Variants in TANC2 observed in about 807,000 individuals in gnomAD.
The protein encoded by TANC2 is tetratricopeptide repeat, ankyrin repeat and coiled-coil containing 2, also known as protein TANC2.
A neutral mutation model predicts 210.5 loss-of-function variants in TANC2; 26 were observed. That is an observed-to-expected ratio of 0.12 (90% CI 0.09 to 0.17). The LOEUF (loss-of-function observed/expected upper bound fraction) is 0.17, where lower values mean the gene tolerates loss of function less well. Among genes scored for constraint, TANC2 ranks in the 10% least tolerant of loss-of-function variants. TANC2 has a pLI of 1.00. For synonymous variants in TANC2, 931 were observed against 967.1 expected, an observed-to-expected ratio of 0.96 and a Z score of 0.69; for missense variants, 2,129 against 2,608.9, an observed-to-expected ratio of 0.82 and a Z score of 4.01.
chr17:63,388,586 A>C (rs761603992), intron 15 of TANC2, 49 bp from the exon 16 acceptor site: 6 of 1,561,414 alleles, frequency 3.8e-6, no homozygotes, highest in African/African-American at 1.4e-5. Context: ...CACTGATGCT[A>C]CTTTTTTTTG....
At chr17:62,979,685 A>G (rs1279181446) in intron 1 of TANC2, among the ~76,000 whole-genome samples, 1 of 152,104 alleles carries the variant, frequency 6.6e-6, no homozygotes, top group Non-Finnish European at 1.5e-5. Flanking sequence ...CTGAGGTGGG[A>G]GGATTGCTTG....
chr17:63,090,374 C>G (rs1598383306), intron 3 of TANC2, among the ~76,000 whole-genome samples: 1 of 152,090 alleles, frequency 6.6e-6, no homozygotes. Flanking sequence ...TTCCCCACCC[C>G]ACAACAGGCC....
chr17:63,315,799 G>A (rs2045295753), intron 10 of TANC2, among the ~76,000 whole-genome samples: 1 of 152,200 alleles, frequency 6.6e-6, no homozygotes, highest in South Asian at 2.1e-4. Flanking sequence ...CATTAAGGAG[G>A]CAGATGGCCT....
intron 2 of TANC2, among the ~76,000 whole-genome samples, chr17:63,030,829 T>C (rs1233334875): frequency 6.6e-6 from 1 of 151,508 alleles, no homozygotes; most frequent in Non-Finnish European, 1.5e-5. Context: ...TAACCTAGTT[T>C]TGTTTTTTTT....
chr17:63,354,790 C>T (rs760007485), exon 14 of TANC2: 1 of 1,561,030 alleles, frequency 6.4e-7, no homozygotes. Context: ...TAGGAAATTA[C>T]CAAGCTGCTG....
intron 9 of TANC2, among the ~76,000 whole-genome samples, chr17:63,284,481 G>A (rs753695415): frequency 1.8e-4 from 28 of 151,590 alleles, no homozygotes; most frequent in African/African-American, 2.9e-4. Context: ...TTTCATTTGC[G>A]TTCCATTCAA....
At chr17:63,327,778 G>GT (rs886959593) in intron 11 of TANC2, among the ~76,000 whole-genome samples, 22 of 151,818 alleles carry the variant, frequency 1.4e-4, no homozygotes, top group South Asian at 4.2e-4. Flanking sequence ...ATCATTCATG[G>GT]TTTTTTTTAT....
At chr17:63,104,445 A>G (rs2037746237) in intron 4 of TANC2, among the ~76,000 whole-genome samples, 1 of 152,208 alleles carries the variant, frequency 6.6e-6, no homozygotes, top group Non-Finnish European at 1.5e-5. Context: ...GAAAACTGGT[A>G]CAACCATTTT....
intron 9 of TANC2, among the ~76,000 whole-genome samples, chr17:63,282,454 C>G (rs1443893150): frequency 6.6e-6 from 1 of 152,088 alleles, no homozygotes; most frequent in Admixed American, 6.6e-5. Flanking sequence ...CTCAGGGTCT[C>G]TATTTCCTTT....
At chr17:63,292,634 A>G (rs1416270565) in intron 9 of TANC2, among the ~76,000 whole-genome samples, 1 of 152,218 alleles carries the variant, frequency 6.6e-6, no homozygotes, top group East Asian at 1.9e-4. Flanking sequence ...AGATGGCTCA[A>G]AAAGGGCCAA....
At chr17:62,992,033 G>A (rs1016085423) in intron 1 of TANC2, among the ~76,000 whole-genome samples, 3 of 152,222 alleles carry the variant, frequency 2.0e-5, no homozygotes, top group East Asian at 1.9e-4. Flanking sequence ...ATATAGATAC[G>A]TATTTACATA....
At chr17:63,350,623 G>A (rs950599463) in intron 12 of TANC2, among the ~76,000 whole-genome samples, 1 of 152,114 alleles carries the variant, frequency 6.6e-6, no homozygotes, top group Non-Finnish European at 1.5e-5. Flanking sequence ...TCATGCAAGG[G>A]ACTGGTCTCA....
intron 3 of TANC2, among the ~76,000 whole-genome samples, chr17:63,082,804 T>C (rs886143244): frequency 7.9e-5 from 12 of 152,170 alleles, no homozygotes; most frequent in Non-Finnish European, 1.5e-4. Context: ...GCCATTTTCA[T>C]TGGCTGAGAC....
chr17:63,047,183 C>A (rs2035417323), intron 2 of TANC2, among the ~76,000 whole-genome samples: 1 of 152,048 alleles, frequency 6.6e-6, no homozygotes, highest in South Asian at 2.1e-4. Context: ...CTTTAGACAT[C>A]TGAAGGTAGA....
chr17:63,182,747 C>T (rs2040833794), intron 5 of TANC2: 1 of 153,308 alleles, frequency 6.5e-6, no homozygotes, highest in African/African-American at 2.4e-5. Flanking sequence ...AAATTTGTAT[C>T]AACTTATACC....
At chr17:63,362,076 C>T (rs1043677409) in intron 14 of TANC2, among the ~76,000 whole-genome samples, 8 of 152,192 alleles carry the variant, frequency 5.3e-5, no homozygotes, top group African/African-American at 1.9e-4. Flanking sequence ...GAGTGGATAG[C>T]TCCTATGTAC....
intron 2 of TANC2, among the ~76,000 whole-genome samples, chr17:63,040,732 A>T (rs1349938263): frequency 1.3e-5 from 2 of 152,126 alleles, no homozygotes; most frequent in African/African-American, 4.8e-5. Flanking sequence ...TGGCAGAGAG[A>T]GATAGAGAAT....
intron 9 of TANC2, among the ~76,000 whole-genome samples, chr17:63,283,539 C>T (rs573091277): frequency 1.8e-3 from 274 of 150,938 alleles, no homozygotes; most frequent in Non-Finnish European, 2.7e-3. Flanking sequence ...GATGGACAGA[C>T]GTACAGACAG....
At chr17:63,015,994 T>C (rs2034091709) in intron 2 of TANC2, among the ~76,000 whole-genome samples, 1 of 152,080 alleles carries the variant, frequency 6.6e-6, no homozygotes, top group African/African-American at 2.4e-5. Context: ...GGTGGGGAGA[T>C]ACTGGCAATT....
Sources: gnomAD v4.1 joint callset for allele counts (sites outside exome capture counted in the v4.1 genomes callset) on GRCh38, gnomAD v4.1.1 for gene constraint, MANE v1.5 for transcripts, NCBI Gene and HGNC (gene_info 2026-07-23, HGNC 2026-07-21) for gene names.